The following CDH13 variants were observed in gnomAD, a reference collection of about 807,000 sequenced individuals.
CDH13 encodes the protein cadherin 13, also known as cadherin-13.
A neutral mutation model predicts 63.8 loss-of-function variants in CDH13; 24 were observed. That is an observed-to-expected ratio of 0.38 (90% confidence interval 0.27 to 0.53). The LOEUF is 0.53. CDH13 is among the 20% of genes least tolerant of loss of function. The pLI is 0.85. For synonymous variants in CDH13, 503 were observed against 355.3 expected, an observed-to-expected ratio of 1.42 and a Z score of -4.67; for missense variants, 1,049 against 903.1, an observed-to-expected ratio of 1.16 and a Z score of -2.07.
chr16:82,717,896 A>G (rs972886942), intron 1 of CDH13, among the ~76,000 whole-genome samples: 4 of 152,178 alleles, frequency 2.6e-5, no homozygotes, highest in Admixed American at 6.5e-5. Flanking sequence ...TATTCCCAAA[A>G]TGCATGTGTC....
chr16:83,360,497 A>G (rs1156430664), intron 6 of CDH13, among the ~76,000 whole-genome samples: 2 of 151,644 alleles, frequency 1.3e-5, no homozygotes, highest in Non-Finnish European at 2.9e-5. Flanking sequence ...TTGGGCATAC[A>G]CATGCAGGCT....
intron 5 of CDH13, among the ~76,000 whole-genome samples, chr16:83,244,834 C>CTAA (rs1183927581): frequency 6.6e-6 from 1 of 152,166 alleles, no homozygotes; most frequent in East Asian, 1.9e-4. Flanking sequence ...GAGGGAAGCT[C>CTAA]ATTAGAGACT....
At chr16:82,928,164 A>ATGTGTGTGTG (rs5818417) in intron 2 of CDH13, among the ~76,000 whole-genome samples, 203 of 151,032 alleles carry the variant, frequency 1.3e-3, no homozygotes, top group African/African-American at 4.2e-3. Context: ...GCAGTCGTGT[A>ATGTGTGTGTG]TGTGTGTGTG....
chr16:83,300,656 G>C (rs973383750), intron 5 of CDH13, among the ~76,000 whole-genome samples: 4 of 152,206 alleles, frequency 2.6e-5, no homozygotes, highest in South Asian at 2.1e-4. Context: ...CTAGTATCTT[G>C]TCAAGATGAG....
At chr16:82,810,704 G>A (rs1229849304) in intron 1 of CDH13, among the ~76,000 whole-genome samples, 1 of 152,152 alleles carries the variant, frequency 6.6e-6, no homozygotes, top group East Asian at 1.9e-4. Flanking sequence ...ATTGGGGGGT[G>A]CTCCCAACCC....
chr16:83,651,183 G>A (rs1018947213), intron 8 of CDH13, among the ~76,000 whole-genome samples: 6 of 152,128 alleles, frequency 3.9e-5, no homozygotes, highest in African/African-American at 1.2e-4. Context: ...AGATAACAAG[G>A]GGACTTTCTA....
chr16:83,143,717 G>T (rs1159145839), intron 4 of CDH13, among the ~76,000 whole-genome samples: 1 of 152,134 alleles, frequency 6.6e-6, no homozygotes, highest in Non-Finnish European at 1.5e-5. Flanking sequence ...GCTTCGTTCT[G>T]CTCTTCTATA....
chr16:82,941,224 A>G (rs907756247), intron 2 of CDH13, among the ~76,000 whole-genome samples: 8 of 152,218 alleles, frequency 5.3e-5, no homozygotes, highest in African/African-American at 1.9e-4. Context: ...GCTCCTATAC[A>G]TAGTTTGCTC....
chr16:83,753,815 G>C lies in CDH13; in HGVS notation c.1681+5565G>C, dbSNP rs1913285068. ...CGGAAGTGTCCCCACTGTGAAACTA[G>C]AAAAATCTAGTTAAATTATAAAAAT... On this transcript the variant is annotated intron_variant, in intron 11 of 13. Coordinates refer to ENST00000567109, the MANE Select transcript of CDH13 (RefSeq NM_001257.5). 2.6e-5 allele frequency among the ~76,000 whole-genome samples: 4 copies of C among 151,766 alleles called. No individual in the cohort carries two copies. In the South Asian group the frequency reaches 6.2e-4, roughly 24 times the overall value.
intron 4 of CDH13, among the ~76,000 whole-genome samples, chr16:83,171,193 C>T (rs925905640): frequency 1.3e-5 from 2 of 152,092 alleles, no homozygotes; most frequent in African/African-American, 4.8e-5. Flanking sequence ...GAAGCAGGCA[C>T]TTCTTCCTGG....
intron 10 of CDH13, among the ~76,000 whole-genome samples, chr16:83,720,202 C>G (rs1385746054): frequency 6.6e-6 from 1 of 152,172 alleles, no homozygotes; most frequent in Non-Finnish European, 1.5e-5. Context: ...CACACGTTCA[C>G]ACACTTGTGC....
intron 6 of CDH13, among the ~76,000 whole-genome samples, chr16:83,472,588 A>T (rs1278574102): frequency 6.6e-6 from 1 of 152,144 alleles, no homozygotes; most frequent in East Asian, 1.9e-4. Context: ...AGTTGTGTCC[A>T]TTGGCCCTTG....
At chr16:83,048,631 C>T (rs1435263526) in intron 3 of CDH13, among the ~76,000 whole-genome samples, 3 of 152,168 alleles carry the variant, frequency 2.0e-5, no homozygotes, top group African/African-American at 7.2e-5. Context: ...CCTTTTCCAT[C>T]TCTGAGTACC....
intron 1 of CDH13, among the ~76,000 whole-genome samples, chr16:82,685,236 GAGGCTGGGATGTTCA>G (rs1201957955): frequency 2.0e-5 from 3 of 152,174 alleles, no homozygotes; most frequent in Admixed American, 6.5e-5. Flanking sequence ...CACAGTTCTG[GAGGCTGGGATGTTCA>G]AGATCAAAGC....
At chr16:82,639,233 GT>G in intron 1 of CDH13, 1 of 514,626 alleles carries the variant, frequency 1.9e-6, no homozygotes, top group Non-Finnish European at 3.4e-6. Context: ...ACTTTTTTGA[GT>G]TCCTAGTCTC....
intron 1 of CDH13, among the ~76,000 whole-genome samples, chr16:82,770,779 C>T (rs1403816645): frequency 6.6e-6 from 1 of 152,118 alleles, no homozygotes; most frequent in Non-Finnish European, 1.5e-5. Flanking sequence ...GTGATCTCGG[C>T]TCACTGCAAC....
chr16:83,182,720 G>C (rs1330705727), intron 4 of CDH13, among the ~76,000 whole-genome samples: 1 of 152,004 alleles, frequency 6.6e-6, no homozygotes, highest in African/African-American at 2.4e-5. Flanking sequence ...TCTTCACTTA[G>C]GACTAAAAAA....
chr16:83,280,608 A>C (rs1355462157), intron 5 of CDH13, among the ~76,000 whole-genome samples: 2 of 152,210 alleles, frequency 1.3e-5, no homozygotes, highest in Non-Finnish European at 2.9e-5. Context: ...CATCTAGAAC[A>C]GTAAATTCTT....
rs962022197 is a variant in CDH13, at chr16:83,252,819, T to A, written c.636+35322T>A. On this transcript the variant is annotated intron_variant, in intron 5 of 13. Coordinates refer to ENST00000567109, the MANE Select transcript of CDH13 (RefSeq NM_001257.5). ...CCCCCCACCCCAATAAGGAATTTCC[T>A]AGCCCCAAAAATCCATACCATCAAG... Among the ~76,000 whole-genome samples the A allele has an allele frequency of 1.4e-4, 22 of 152,100 alleles. No individual in the cohort carries two copies. In the South Asian group the frequency reaches 3.1e-3, roughly 21 times the overall value.
Sources: gnomAD v4.1 joint callset for allele counts (sites outside exome capture counted in the v4.1 genomes callset) on GRCh38, gnomAD v4.1.1 for gene constraint, MANE v1.5 for transcripts, NCBI Gene and HGNC (gene_info 2026-07-23, HGNC 2026-07-21) for gene names.